The following UBXN2B variants were observed in gnomAD, a reference collection of about 807,000 sequenced individuals.
The protein encoded by UBXN2B is UBX domain protein 2B.
In UBXN2B, 19 loss-of-function variants were observed where a neutral mutation model predicts 37.5. The observed-to-expected ratio is 0.51, with a 90% CI of 0.35 to 0.74. The LOEUF is 0.74. Among genes scored for constraint, UBXN2B ranks in the 30% least tolerant of loss-of-function variants. UBXN2B has a pLI of 0.01. For synonymous variants in UBXN2B, 145 were observed against 143.8 expected (o/e 1.01, Z -0.06); for missense variants, 370 against 393.2 (o/e 0.94, Z 0.50).
At position 58,446,048 on chromosome 8, in the gene UBXN2B, A is replaced by G; in HGVS notation, c.813A>G (p.Gln271=). Residue 271 remains glutamine (Q), a synonymous_variant, in exon 7 of 8, where the codon CAA becomes CAG. Coordinates refer to ENST00000399598, the MANE Select transcript of UBXN2B (RefSeq NM_001077619.2). The part of the protein sequence containing the change: ...IRLADGSRLI[Q]RFNSTHRILD... ...TAGCAGATGGGAGTCGTTTGATACA[A>G]AGATTCAATAGTACACACAGGTAAG... is the stretch of plus-strand genomic sequence containing the variant. 6.2e-7 allele frequency: 1 copy of G among 1,611,684 alleles called. No individual in the cohort carries two copies. Among genetic ancestry groups the G allele is most frequent in the Non-Finnish European group, 8.5e-7 (1 of 1,179,368 alleles).
chr8:58,445,842 A>T, intron 6 of UBXN2B, 65 bp from the exon 7 acceptor site: 2 of 1,381,632 alleles, frequency 1.4e-6, no homozygotes, highest in South Asian at 3.1e-5. Flanking sequence ...CTAAGTGTTT[A>T]TCGCTGTCTT....
chr8:58,428,389 G>A (rs956710349), intron 2 of UBXN2B, among the ~76,000 whole-genome samples: 2 of 152,110 alleles, frequency 1.3e-5, no homozygotes, highest in African/African-American at 2.4e-5. Flanking sequence ...TATACAAATT[G>A]GAAATAAATA....
At chr8:58,443,071 G>A (rs1488137869) in intron 6 of UBXN2B, among the ~76,000 whole-genome samples, 1 of 152,180 alleles carries the variant, frequency 6.6e-6, no homozygotes, top group Non-Finnish European at 1.5e-5. Flanking sequence ...AGCCTCAGCT[G>A]TGCTGAGCAG....
chr8:58,434,527 T>C, intron 5 of UBXN2B, 23 bp downstream of exon 5: 1 of 1,487,620 alleles, frequency 6.7e-7, no homozygotes, highest in Non-Finnish European at 9.1e-7. Context: ...ATTTGTATTC[T>C]ATTTGTTATG....
intron 6 of UBXN2B, among the ~76,000 whole-genome samples, chr8:58,441,681 G>T (rs542800211): frequency 1.3e-5 from 2 of 151,930 alleles, no homozygotes; most frequent in Non-Finnish European, 2.9e-5. Context: ...TGAAAATAAC[G>T]ATATTATCTG....
chr8:58,421,970 C>T (rs144851216), intron 2 of UBXN2B, among the ~76,000 whole-genome samples: 17 of 152,234 alleles, frequency 1.1e-4, no homozygotes, highest in Non-Finnish European at 1.5e-4. Flanking sequence ...ATGTTAATAC[C>T]GGAGATATAT....
At chr8:58,423,082 CA>C (rs1807969936) in intron 2 of UBXN2B, among the ~76,000 whole-genome samples, 1 of 36,782 alleles carries the variant, frequency 2.7e-5, no homozygotes, top group Non-Finnish European at 5.0e-5. Flanking sequence ...GAGACGAAAT[CA>C]TCATCATCAT....
chr8:58,429,013 A>G (rs1046025897), intron 2 of UBXN2B, among the ~76,000 whole-genome samples: 18 of 152,360 alleles, frequency 1.2e-4, no homozygotes, highest in African/African-American at 3.6e-4. Context: ...TTTCTGGAAG[A>G]AAATAGAATA....
intron 5 of UBXN2B, chr8:58,434,899 T>G (rs905240683): frequency 1.3e-6 from 2 of 1,535,534 alleles, no homozygotes; most frequent in African/African-American, 2.7e-5. Flanking sequence ...CAGCAACTTA[T>G]GTTAGAAATC....
intron 2 of UBXN2B, chr8:58,425,781 G>A (rs1563459897): frequency 6.0e-6 from 7 of 1,161,376 alleles, no homozygotes; most frequent in Non-Finnish European, 9.1e-6. Flanking sequence ...TTCTTGTAAT[G>A]TTCCACAAGA....
chr8:58,423,414 T>C (rs370737616), intron 2 of UBXN2B, among the ~76,000 whole-genome samples: 11 of 151,016 alleles, frequency 7.3e-5, no homozygotes, highest in African/African-American at 2.2e-4. Context: ...TGAAGAACAG[T>C]TGGGGGTGGG....
chr8:58,418,471 CT>C (rs1337904923), intron 2 of UBXN2B, among the ~76,000 whole-genome samples: 2 of 151,942 alleles, frequency 1.3e-5, no homozygotes, highest in African/African-American at 4.8e-5. Flanking sequence ...ATTATGTTGA[CT>C]TTTTTAGAGA....
Position 58,449,163 on chromosome 8 carries a change from C to CT in UBXN2B, c.*1614dup, listed in dbSNP as rs1280678999. On this transcript the variant is annotated 3_prime_UTR_variant, in exon 8 of 8. Transcript: ENST00000399598. Reference sequence around the variant, plus strand: ...AGGCCCACCGGATATCCAATCTAGGCTTATCTCCTTGTCTTGAAATCCATA... The same window carrying CT: ...AGGCCCACCGGATATCCAATCTAGGCTTTATCTCCTTGTCTTGAAATCCATA... The CT allele has an allele frequency of 6.6e-6, 1 of 152,182 alleles. No homozygotes were observed. Among genetic ancestry groups the CT allele is most frequent in the Non-Finnish European group, 1.5e-5 (1 of 68,030 alleles). 9.4% of individuals were successfully genotyped at this position (152,182 alleles called of 1,614,324 possible).
At position 58,412,851 on chromosome 8, in the gene UBXN2B, A is replaced by G. The variant is rs141030370; in HGVS notation, c.84+1382A>G. Among the ~76,000 whole-genome samples, 709 of 152,374 alleles carry G rather than the reference A, an allele frequency of 4.7e-3. 3 individuals carry two copies. Among genetic ancestry groups the G allele is most frequent in the Middle Eastern group, 0.024 (7 of 294 alleles). On this transcript the variant is annotated intron_variant, in intron 1 of 7. Coordinates refer to ENST00000399598, the MANE Select transcript of UBXN2B (RefSeq NM_001077619.2). ...TATAAAGGGCCTATGCAAAATTCCT[A>G]CATTATCCTGGCTCAGTTGTTGCTG...
At chr8:58,426,849 C>T (rs1047739774) in intron 2 of UBXN2B, among the ~76,000 whole-genome samples, 8 of 152,356 alleles carry the variant, frequency 5.3e-5, no homozygotes, top group Admixed American at 5.2e-4. Flanking sequence ...ATCCTGGAGA[C>T]TGTGCAGCCG....
chr8:58,430,484 C>T, intron 2 of UBXN2B, 35 bp from the exon 3 acceptor site: 2 of 1,436,888 alleles, frequency 1.4e-6, no homozygotes, highest in Non-Finnish European at 1.9e-6. Flanking sequence ...TGTCTGTTAT[C>T]CTAAGTTTTT....
chr8:58,443,636 TCCAA>T (rs1436507406), intron 6 of UBXN2B, among the ~76,000 whole-genome samples: 2 of 55,252 alleles, frequency 3.6e-5, no homozygotes, highest in African/African-American at 1.8e-4. Flanking sequence ...CTACTAAAAA[TCCAA>T]AAAAAAAAAA....
rs529084740 is a variant in UBXN2B at position 58,448,655 on chromosome 8, C to T, written c.*1104C>T. The T allele has an allele frequency of 6.6e-6, 1 of 152,618 alleles. No individual in the cohort carries two copies. The highest frequency in any genetic ancestry group is 2.4e-5 in the African/African-American group (1 of 41,530). The allele number at this position is 152,618 out of a possible 1,614,324, so 9.5% of individuals were successfully genotyped here. On this transcript the variant is annotated 3_prime_UTR_variant, in exon 8 of 8. Transcript: ENST00000399598. ...TGTGCTCAACCTAGAATGTCTTCTC[C>T]AGAACAAGACTAGTGTAGAAATACA...
At chr8:58,438,976 C>T (rs931075541) in intron 5 of UBXN2B, among the ~76,000 whole-genome samples, 8 of 152,064 alleles carry the variant, frequency 5.3e-5, no homozygotes, top group Admixed American at 3.9e-4. Flanking sequence ...GTTCTCACCC[C>T]GGTAGTTCAC....
Sources: allele counts gnomAD v4.1 joint callset (sites outside exome capture counted in the v4.1 genomes callset), GRCh38; gene constraint gnomAD v4.1.1; transcripts MANE v1.5; gene names NCBI Gene and HGNC (gene_info 2026-07-23, HGNC 2026-07-21).